The following NRXN3 variants were observed in gnomAD, a reference collection of about 807,000 sequenced individuals.
NRXN3 encodes the protein neurexin III.
A neutral mutation model predicts 137.6 loss-of-function variants in NRXN3; 32 were observed. That is an observed-to-expected ratio of 0.23 (90% CI 0.18 to 0.31). The LOEUF is 0.31. Among genes scored for constraint, NRXN3 ranks in the 10% least tolerant of loss-of-function variants. The pLI, the probability that NRXN3 is intolerant of heterozygous loss-of-function variation, is 1.00. For synonymous variants in NRXN3, 798 were observed against 784.5 expected (o/e 1.02, Z -0.29); for missense variants, 1,574 against 2,062.5 (o/e 0.76, Z 4.59).
chr14:78,572,942 G>A (rs190598712), intron 4 of NRXN3, among the ~76,000 whole-genome samples: 1 of 152,168 alleles, frequency 6.6e-6, no homozygotes. Flanking sequence ...ACCTTGAATT[G>A]TAATAATCCC....
rs1015167929 is a variant in NRXN3, at chr14:79,647,399, C to T, written c.3445-16379C>T. 5.2e-5 allele frequency among the ~76,000 whole-genome samples: 7 copies of T among 135,646 alleles called. 3 individuals are homozygous for T. Among genetic ancestry groups the T allele is most frequent in the East Asian group, 2.0e-4 (1 of 5,102 alleles). 89.0% of individuals were successfully genotyped at this position (135,646 alleles called of 152,430 possible). A position where few individuals can be genotyped will look rare whatever the true frequency, so the allele number is the denominator to read the frequency against. The stretch of plus-strand genomic sequence containing the variant: ...TTTAAATGTACCTTTCTATACGGAA[C>T]GGTCTGCTGTCATGCAACTTTCAAA... On this transcript the variant is annotated intron_variant, in intron 16 of 20. Transcript: ENST00000335750.
chr14:78,918,483 T>C (rs570063111), intron 10 of NRXN3, among the ~76,000 whole-genome samples: 29 of 152,172 alleles, frequency 1.9e-4, no homozygotes, highest in African/African-American at 6.0e-4. Context: ...GTATAAGTAA[T>C]AAACGCTGAG....
chr14:79,329,644 TGTTGATCCCTA>T (rs1259013522), intron 15 of NRXN3, among the ~76,000 whole-genome samples: 1 of 152,198 alleles, frequency 6.6e-6, no homozygotes, highest in Non-Finnish European at 1.5e-5. Context: ...GGCCATTGTT[TGTTGATCCCTA>T]GTTAGGCAAA....
chr14:79,811,445 C>T (rs1294471902), intron 20 of NRXN3, among the ~76,000 whole-genome samples: 1 of 152,176 alleles, frequency 6.6e-6, no homozygotes. Flanking sequence ...AAATCATATC[C>T]ATTTTTCAAC....
intron 19 of NRXN3, among the ~76,000 whole-genome samples, chr14:79,715,788 A>G (rs1286840763): frequency 6.6e-6 from 1 of 152,216 alleles, no homozygotes; most frequent in Non-Finnish European, 1.5e-5. Context: ...CATCTGGGGA[A>G]GCTTTCTTGT....
chr14:78,632,623 T>C (rs55853427), intron 4 of NRXN3, among the ~76,000 whole-genome samples: 20,069 of 152,158 alleles, frequency 0.13, 1,812 homozygotes, highest in African/African-American at 0.25. Flanking sequence ...GTTTTATCAT[T>C]TGAAAAATGG....
chr14:78,260,925 C>T (rs1361328715), intron 2 of NRXN3, among the ~76,000 whole-genome samples: 1 of 152,202 alleles, frequency 6.6e-6, no homozygotes, highest in Admixed American at 6.5e-5. Context: ...AACTAATTCT[C>T]ATGAAGCACT....
chr14:78,977,081 G>T (rs1317603040), intron 14 of NRXN3, among the ~76,000 whole-genome samples: 1 of 152,104 alleles, frequency 6.6e-6, no homozygotes, highest in African/African-American at 2.4e-5. Context: ...TATACAGATG[G>T]GGACACTGAG....
chr14:79,849,829 C>T (rs8004595), intron 20 of NRXN3, among the ~76,000 whole-genome samples: 115,719 of 152,092 alleles, frequency 0.76, 44,254 homozygotes, highest in East Asian at 0.91. Context: ...TACTGTACCG[C>T]ATTATGAAAT....
chr14:78,323,502 TTGTAAAC>T (rs1160154516), intron 4 of NRXN3, among the ~76,000 whole-genome samples: 1 of 152,106 alleles, frequency 6.6e-6, no homozygotes, highest in Non-Finnish European at 1.5e-5. Flanking sequence ...TGTGTGCAGT[TTGTAAAC>T]TGTAAAGTGT....
intron 19 of NRXN3, among the ~76,000 whole-genome samples, chr14:79,763,386 T>G (rs1375172620): frequency 6.6e-6 from 1 of 151,708 alleles, no homozygotes; most frequent in Non-Finnish European, 1.5e-5. Flanking sequence ...GCATGTGTCT[T>G]TATAGTAGAA....
intron 15 of NRXN3, among the ~76,000 whole-genome samples, chr14:79,049,484 T>C (rs1246612633): frequency 6.6e-6 from 1 of 152,204 alleles, no homozygotes; most frequent in African/African-American, 2.4e-5. Context: ...GCCAAAGTCT[T>C]GAACCCCATA....
Position 78,715,118 on chromosome 14 carries a change from T to C in NRXN3, c.2023T>C (p.Trp675Arg). The change falls in exon 8 of 21, where the codon TGG becomes CGG. Residue 675 changes from tryptophan (W) to arginine (R), a missense_variant. Physicochemically the swap from Trp to Arg is moderately radical, Grantham distance 101. This residue lies in a region of NRXN3 where 718 missense variants were observed against 887.6 expected (regional missense o/e 0.81). Transcript: ENST00000335750. ...CTGCGACTGCACCGGCACCGGATAC[T>C]GGGGAAGAACCTGCGAAAGGGGTGA... Reference protein sequence around the residue: ...FICDCTGTGYWGRTCEREASI... With the variant: ...FICDCTGTGYRGRTCEREASI... The C allele has an allele frequency of 1.2e-6, 2 of 1,609,676 alleles. No homozygotes were observed. Among genetic ancestry groups the C allele is most frequent in the African/African-American group, 2.7e-5 (2 of 74,990 alleles).
chr14:78,798,623 G>A (rs1382703801), intron 8 of NRXN3, among the ~76,000 whole-genome samples: 2 of 152,196 alleles, frequency 1.3e-5, no homozygotes, highest in African/African-American at 4.8e-5. Flanking sequence ...ACTCTGTGTG[G>A]GGGCTCACAC....
intron 4 of NRXN3, among the ~76,000 whole-genome samples, chr14:78,391,808 T>G (rs2153642399): frequency 6.6e-6 from 1 of 152,314 alleles, no homozygotes; most frequent in East Asian, 1.9e-4. Context: ...GTATTGGGTG[T>G]TGGCTTCTAT....
In NRXN3 at chr14:78,921,020, C is replaced by T. The variant is rs377518050; in HGVS notation, c.2276-36222C>T. On this transcript the variant is annotated intron_variant, in intron 10 of 20. Coordinates refer to ENST00000335750, the MANE Select transcript of NRXN3 (RefSeq NM_001330195.2). Reference sequence around the variant, plus strand: ...TTGGTGATTGAACTCAATCTCCAGCCCTTCTCTCCAACCCAGATGTCAGGG... The same window carrying T: ...TTGGTGATTGAACTCAATCTCCAGCTCTTCTCTCCAACCCAGATGTCAGGG... Among the ~76,000 whole-genome samples, 4 of 152,150 alleles carry T rather than the reference C, an allele frequency of 2.6e-5. No homozygotes were observed. The East Asian group carries it at 7.7e-4, about 29-fold the overall frequency.
At chr14:78,421,953 G>A (rs966452837) in intron 4 of NRXN3, among the ~76,000 whole-genome samples, 2 of 152,208 alleles carry the variant, frequency 1.3e-5, no homozygotes, top group Admixed American at 6.5e-5. Context: ...ATCTTATGCA[G>A]TATTGGAATG....
At chr14:78,406,178 G>A (rs1163943704) in intron 4 of NRXN3, among the ~76,000 whole-genome samples, 1 of 152,200 alleles carries the variant, frequency 6.6e-6, no homozygotes, top group Non-Finnish European at 1.5e-5. Flanking sequence ...TGAAGCATGA[G>A]CAGATGACAA....
intron 16 of NRXN3, among the ~76,000 whole-genome samples, chr14:79,527,734 G>T (rs981649615): frequency 4.0e-5 from 6 of 151,738 alleles, no homozygotes; most frequent in Non-Finnish European, 7.4e-5. Context: ...TTAGCTGGGC[G>T]TGGTGGTGCA....
Sources: gnomAD v4.1 joint callset for allele counts (sites outside exome capture counted in the v4.1 genomes callset) on GRCh38, gnomAD v4.1.1 for gene constraint, gnomAD v4.1.1 regional missense constraint, MANE v1.5 for transcripts, NCBI Gene and HGNC (gene_info 2026-07-23, HGNC 2026-07-21) for gene names.